ALMS1: variants seen among roughly 807,000 people sequenced by gnomAD.
The protein encoded by ALMS1 is centrosome-associated protein ALMS1.
ALMS1 carries 271 observed loss-of-function variants against 352.2 expected under a neutral mutation model. That is an observed-to-expected ratio of 0.77 (90% CI 0.70 to 0.85). ALMS1 has a LOEUF of 0.85. Ranked by LOEUF, ALMS1 falls within the 40% of genes least tolerant of loss-of-function variation. The pLI, the probability that ALMS1 is intolerant of heterozygous loss-of-function variation, is 0.00. For missense variants in ALMS1, 5,445 were observed against 4,870.7 expected, an observed-to-expected ratio of 1.12 and a Z score of -3.51; for synonymous variants, 1,865 against 1,761.2, an observed-to-expected ratio of 1.06 and a Z score of -1.48.
At chr2:73,467,450 A>T (rs1042896108) in intron 9 of ALMS1, among the ~76,000 whole-genome samples, 1 of 152,090 alleles carries the variant, frequency 6.6e-6, no homozygotes, top group East Asian at 1.9e-4. Context: ...AAAAAGAACA[A>T]TGCTAAATAT....
At chr2:73,425,110 C>T (rs1011347627) in intron 5 of ALMS1, among the ~76,000 whole-genome samples, 5 of 151,980 alleles carry the variant, frequency 3.3e-5, no homozygotes, top group African/African-American at 1.2e-4. Flanking sequence ...CATAAAATGT[C>T]ATATTCTTTC....
At chr2:73,459,850 T>A (rs1446567664) in intron 9 of ALMS1, among the ~76,000 whole-genome samples, 7 of 152,246 alleles carry the variant, frequency 4.6e-5, no homozygotes, top group Admixed American at 4.6e-4. Flanking sequence ...AAGATCTGTA[T>A]GCTTGGTGTG....
rs1222484600 is a variant in ALMS1, at chr2:73,444,825, T to C, written c.1433-3135T>C. ...TGTTAAGTTTAGTTATGAGAGAATA[T>C]AGTTTAAGATAATGAATGTAGAGAT... On this transcript the variant is annotated intron_variant, in intron 7 of 22. Coordinates refer to ENST00000613296, the MANE Select transcript of ALMS1 (RefSeq NM_001378454.1). Among the ~76,000 whole-genome samples, 8 of 152,264 alleles carry C rather than the reference T, an allele frequency of 5.3e-5. No homozygotes were observed. In the South Asian group the frequency reaches 1.5e-3, roughly 28 times the overall value.
chr2:73,408,247 C>A (rs557054941), intron 1 of ALMS1, among the ~76,000 whole-genome samples: 49 of 152,374 alleles, frequency 3.2e-4, no homozygotes, highest in Admixed American at 3.3e-4. Context: ...CAACCCCTTA[C>A]TTCACAAAAT....
intron 9 of ALMS1, among the ~76,000 whole-genome samples, chr2:73,464,099 G>A (rs1672270562): frequency 1.3e-5 from 2 of 152,102 alleles, no homozygotes; most frequent in South Asian, 4.1e-4. Flanking sequence ...ATTTTATGAG[G>A]CCAGCATCAT....
At chr2:73,483,555 T>A (rs1158810204) in intron 9 of ALMS1, among the ~76,000 whole-genome samples, 1 of 151,672 alleles carries the variant, frequency 6.6e-6, no homozygotes, top group African/African-American at 2.4e-5. Context: ...TTCTGTTGAT[T>A]TGGGGTGGAG....
At chr2:73,428,370 C>G (rs1239336275) in intron 6 of ALMS1, among the ~76,000 whole-genome samples, 2 of 151,974 alleles carry the variant, frequency 1.3e-5, no homozygotes, top group Admixed American at 1.3e-4. Context: ...TAAACTGTTC[C>G]CCCTCCCCCC....
At chr2:73,504,273 T>C (rs1391269260) in intron 10 of ALMS1, among the ~76,000 whole-genome samples, 1 of 152,216 alleles carries the variant, frequency 6.6e-6, no homozygotes, top group Non-Finnish European at 1.5e-5. Flanking sequence ...CACTCAGTTA[T>C]TCTAATGCAT....
At chr2:73,433,813 T>C (rs1384017011) in intron 7 of ALMS1, among the ~76,000 whole-genome samples, 3 of 152,234 alleles carry the variant, frequency 2.0e-5, no homozygotes, top group African/African-American at 7.2e-5. Context: ...ATTTAGATTT[T>C]ATATTTTTCA....
intron 1 of ALMS1, among the ~76,000 whole-genome samples, chr2:73,407,675 G>A (rs1400709908): frequency 6.6e-6 from 1 of 151,330 alleles, no homozygotes; most frequent in Non-Finnish European, 1.5e-5. Context: ...CAGCTTTTGT[G>A]AATGTTTTAA....
chr2:73,581,987 C>G (rs894873624), intron 16 of ALMS1, among the ~76,000 whole-genome samples: 40 of 152,314 alleles, frequency 2.6e-4, no homozygotes, highest in Admixed American at 1.2e-3. Flanking sequence ...CGTGATCTGT[C>G]CGCCTTGGCC....
intron 11 of ALMS1, among the ~76,000 whole-genome samples, chr2:73,531,959 A>G (rs868243100): frequency 6.6e-6 from 1 of 152,250 alleles, no homozygotes; most frequent in Non-Finnish European, 1.5e-5. Flanking sequence ...CTGCCTCAAC[A>G]TATGGGGATT....
rs1215015585 is a variant in ALMS1, at chr2:73,573,277, C to G, written c.11400C>G (p.Cys3800Trp). 1.2e-6 allele frequency: 2 copies of G among 1,614,046 alleles called. No homozygotes were observed. The highest frequency in any genetic ancestry group is 2.2e-5 in the South Asian group (2 of 91,070). ...LIQAFGHERV[C>W]LSPRRIKLYS... ...AAGCTTTTGGCCATGAAAGAGTATG[C>G]TTGTCACCCAGACGAATTAAATTAT... The change falls in exon 16 of 23, where the codon TGC (cysteine) becomes TGG (tryptophan). Residue 3800 changes from cysteine (C) to tryptophan (W), a missense_variant. By Grantham distance (215) the Cys-to-Trp change is radical. Coordinates refer to ENST00000613296, the MANE Select transcript of ALMS1 (RefSeq NM_001378454.1).
At chr2:73,570,036 A>G (rs1391908383) in intron 15 of ALMS1, among the ~76,000 whole-genome samples, 1 of 152,230 alleles carries the variant, frequency 6.6e-6, no homozygotes, top group East Asian at 1.9e-4. Context: ...CAGTATTGTG[A>G]CAGGAAATAG....
intron 15 of ALMS1, among the ~76,000 whole-genome samples, chr2:73,564,860 A>G (rs1372526276): frequency 6.6e-6 from 1 of 152,236 alleles, no homozygotes; most frequent in Non-Finnish European, 1.5e-5. Context: ...GGGAAAGAAG[A>G]CAAAATTTAT....
At position 73,449,439 on chromosome 2, in the gene ALMS1, A is replaced by G; in HGVS notation, c.2912A>G (p.Asp971Gly). Reference sequence around the variant, plus strand: ...GTTTTCTACCAGCAAGAGTTGCCAGACAGTGATCTACCTAGAGAATCTCTG... The same window carrying G: ...GTTTTCTACCAGCAAGAGTTGCCAGGCAGTGATCTACCTAGAGAATCTCTG... Reference protein sequence around the residue: ...SSVFYQQELPDSDLPRESLKM... With the variant: ...SSVFYQQELPGSDLPRESLKM... Residue 971 changes from aspartate to glycine, a missense_variant, in exon 8 of 23, where the codon GAC becomes GGC. Asp to Gly is a moderately conservative substitution (Grantham distance 94). Coordinates refer to ENST00000613296, the MANE Select transcript of ALMS1 (RefSeq NM_001378454.1). 6.2e-7 allele frequency: 1 copy of G among 1,614,044 alleles called. No individual in the cohort carries two copies. The highest frequency in any genetic ancestry group is 8.5e-7 in the Non-Finnish European group (1 of 1,179,970).
chr2:73,539,602 A>T (rs1674118087), intron 12 of ALMS1, among the ~76,000 whole-genome samples: 2 of 152,208 alleles, frequency 1.3e-5, no homozygotes, highest in Admixed American at 6.5e-5. Context: ...GTTCGAACCC[A>T]TGGCAAAGAA....
At position 73,551,527 on chromosome 2, in the gene ALMS1, C is replaced by G. The variant is rs527284999; in HGVS notation, c.10078+1090C>G. 1.1e-3 allele frequency among the ~76,000 whole-genome samples: 164 copies of G among 149,706 alleles called. 1 individual carries two copies. The highest frequency in any genetic ancestry group is 9.0e-3 in the South Asian group (43 of 4,756). On this transcript the variant is annotated intron_variant, in intron 13 of 22. Transcript: ENST00000613296. ...TCTTGGCACACTGCAACCTTCACCT[C>G]CCGGGTTCAAGCGATTCTCCTGCCT...
intron 15 of ALMS1, among the ~76,000 whole-genome samples, chr2:73,568,985 G>A (rs1262459538): frequency 1.8e-5 from 2 of 112,014 alleles, no homozygotes; most frequent in African/African-American, 6.8e-5. Flanking sequence ...GCTTGCTGCT[G>A]CTTCTGCTTC....
Sources: allele counts gnomAD v4.1 joint callset (sites outside exome capture counted in the v4.1 genomes callset), GRCh38; gene constraint gnomAD v4.1.1; transcripts MANE v1.5; gene names NCBI Gene and HGNC (gene_info 2026-07-23, HGNC 2026-07-21).